The following FNIP2 variants were observed in gnomAD, a reference collection of about 807,000 sequenced individuals.
The protein encoded by FNIP2 is folliculin interacting protein 2.
Under a neutral mutation model 108.7 loss-of-function variants are expected in FNIP2, and 32 were observed. The observed-to-expected ratio is 0.29, with a 90% CI of 0.22 to 0.40. The LOEUF (loss-of-function observed/expected upper bound fraction) is 0.40. Among genes scored for constraint, FNIP2 ranks in the 10% least tolerant of loss-of-function variants. The pLI is 1.00. For synonymous variants in FNIP2, 480 were observed against 496.7 expected (o/e 0.97, Z 0.45); for missense variants, 1,202 against 1,381.6 (o/e 0.87, Z 2.06).
chr4:158,788,431 G>A (rs761871654), intron 1 of FNIP2, among the ~76,000 whole-genome samples: 3 of 152,182 alleles, frequency 2.0e-5, no homozygotes, highest in Non-Finnish European at 4.4e-5. Context: ...GCAAAGGCCC[G>A]CTTAGCTCAT....
chr4:158,812,641 C>T (rs1777341551), intron 1 of FNIP2, among the ~76,000 whole-genome samples: 1 of 151,932 alleles, frequency 6.6e-6, no homozygotes, highest in South Asian at 2.1e-4. Flanking sequence ...CAACATTAAG[C>T]AGAAAGTACA....
Position 158,868,881 on chromosome 4 carries a change from T to A in FNIP2, c.2245T>A (p.Leu749Met). The A allele has an allele frequency of 6.2e-7, 1 of 1,613,958 alleles. No individual in the cohort carries two copies. Among genetic ancestry groups the A allele is most frequent in the Non-Finnish European group, 8.5e-7 (1 of 1,179,872 alleles). Residue 749 changes from leucine to methionine, a missense_variant, in exon 13 of 17, where the codon TTG becomes ATG. This residue lies in a region of FNIP2 where 878 missense variants were observed against 990.3 expected (regional missense o/e 0.89). Transcript: ENST00000264433. The surrounding 1 kb of genome is among the most constrained non-coding windows in gnomAD (Gnocchi z 4.6). Reference protein sequence around the residue: ...EERVKACGPSLEASEAADVAQ... With the variant: ...EERVKACGPSMEASEAADVAQ... ...ACGGGTGAAGGCCTGTGGCCCCTCC[T>A]TGGAGGCCAGTGAGGCTGCTGATGT...
At chr4:158,902,242 G>A (rs1729372877) in intron 16 of FNIP2, among the ~76,000 whole-genome samples, 1 of 152,094 alleles carries the variant, frequency 6.6e-6, no homozygotes, top group African/African-American at 2.4e-5. Flanking sequence ...TAACAGGCCT[G>A]TCTGCTGCAG....
At chr4:158,835,771 T>C in intron 7 of FNIP2, 1 of 218,964 alleles carries the variant, frequency 4.6e-6, no homozygotes, top group Non-Finnish European at 9.4e-6. Context: ...ATGTGCTTGC[T>C]TGACTGTTGA....
At chr4:158,886,712 A>G (rs1180148109) in intron 14 of FNIP2, among the ~76,000 whole-genome samples, 2 of 152,248 alleles carry the variant, frequency 1.3e-5, no homozygotes, top group Admixed American at 1.3e-4. Context: ...GTCAGCATCC[A>G]TAAGGTTTGT....
At chr4:158,806,024 C>T in intron 1 of FNIP2, 15 of 694,454 alleles carry the variant, frequency 2.2e-5, no homozygotes, top group Non-Finnish European at 2.8e-5. Context: ...ATTTACGTAA[C>T]AAATGAATGT....
intron 1 of FNIP2, among the ~76,000 whole-genome samples, chr4:158,794,233 G>GGATT (rs1776509734): frequency 1.3e-5 from 2 of 152,046 alleles, no homozygotes; most frequent in African/African-American, 4.8e-5. Context: ...GCTCACTGCA[G>GGATT]CCTTGACCTC....
In FNIP2 at chr4:158,907,227, A is replaced by T. The variant is rs188684105; in HGVS notation, c.*2683A>T. 2 of 152,368 alleles carry T rather than the reference A, an allele frequency of 1.3e-5. No individual in the cohort carries two copies. The highest frequency in any genetic ancestry group is 3.9e-4 in the East Asian group (2 of 5,192). The allele number at this position is 152,368 out of a possible 1,614,324, so 9.4% of individuals were successfully genotyped here. On this transcript the variant is annotated 3_prime_UTR_variant, in exon 17 of 17. Coordinates refer to ENST00000264433, the MANE Select transcript of FNIP2 (RefSeq NM_020840.3). The stretch of plus-strand genomic sequence containing the variant: ...ACATGACAATGAAAATTTAAAATGT[A>T]GCTTCCATACTTGTGCATAATTCCA...
intron 3 of FNIP2, among the ~76,000 whole-genome samples, chr4:158,831,449 T>A (rs1279078986): frequency 6.6e-6 from 1 of 152,254 alleles, no homozygotes; most frequent in East Asian, 1.9e-4. Context: ...TATTCCACAT[T>A]GTTAATTATT....
At chr4:158,835,843 A>T (rs546741110) in intron 7 of FNIP2, 1 of 159,942 alleles carries the variant, frequency 6.3e-6, no homozygotes, top group South Asian at 1.8e-4. Context: ...CAGTGGGAGG[A>T]CCAGCCAGCT....
chr4:158,867,349 C>A (rs1357977693), intron 12 of FNIP2, among the ~76,000 whole-genome samples: 1 of 152,050 alleles, frequency 6.6e-6, no homozygotes, highest in African/African-American at 2.4e-5. Flanking sequence ...CACACCAGCA[C>A]GCTCGCCTAA....
chr4:158,860,803 C>T (rs767834411), intron 10 of FNIP2, among the ~76,000 whole-genome samples: 88 of 151,858 alleles, frequency 5.8e-4, no homozygotes, highest in Admixed American at 2.5e-3. Context: ...TTTACAGGCG[C>T]GCGCCACCAT....
chr4:158,898,605 G>C (rs1782907247), intron 16 of FNIP2, among the ~76,000 whole-genome samples: 1 of 152,174 alleles, frequency 6.6e-6, no homozygotes, highest in Non-Finnish European at 1.5e-5. Context: ...TAGCAATTGT[G>C]AATAGGAGTT....
chr4:158,892,327 G>T (rs1782331741), intron 15 of FNIP2, among the ~76,000 whole-genome samples: 1 of 151,758 alleles, frequency 6.6e-6, no homozygotes, highest in Non-Finnish European at 1.5e-5. Context: ...GTAGAGATGG[G>T]TTTTGCCATG....
intron 7 of FNIP2, among the ~76,000 whole-genome samples, chr4:158,841,951 A>G (rs779700490): frequency 1.3e-5 from 2 of 152,250 alleles, no homozygotes; most frequent in Non-Finnish European, 1.5e-5. Flanking sequence ...TTCACTGTCT[A>G]TGTAAGTAAT....
intron 7 of FNIP2, chr4:158,835,687 A>G: frequency 5.7e-6 from 2 of 353,914 alleles, no homozygotes; most frequent in Non-Finnish European, 1.1e-5. Flanking sequence ...CTAACACTCA[A>G]ATTTATATGA....
chr4:158,823,695 C>T (rs770767343), intron 1 of FNIP2, among the ~76,000 whole-genome samples: 8 of 152,206 alleles, frequency 5.3e-5, no homozygotes, highest in Admixed American at 1.3e-4. Flanking sequence ...CTTTCCTCCA[C>T]GCAGACTTTT....
Position 158,832,004 on chromosome 4 carries a change from C to T in FNIP2, c.482+43C>T, listed in dbSNP as rs528678141. The T allele has an allele frequency of 3.2e-4, 509 of 1,595,120 alleles. 8 individuals are homozygous for T. The South Asian group carries it at 5.1e-3, about 16-fold the overall frequency. ...TTTCTACTAGTTTTGAGAAGTGGAA[C>T]GGTGGTATTGACTCCTTAACTCATA... On this transcript the variant is annotated intron_variant, in intron 4 of 16. Coordinates refer to ENST00000264433, the MANE Select transcript of FNIP2 (RefSeq NM_020840.3).
chr4:158,885,690 A>G (rs1781990997), intron 14 of FNIP2, among the ~76,000 whole-genome samples: 1 of 152,188 alleles, frequency 6.6e-6, no homozygotes, highest in South Asian at 2.1e-4. Context: ...TGTGCTTTAA[A>G]TGGCATTTAA....
Sources: gnomAD v4.1 joint callset for allele counts (sites outside exome capture counted in the v4.1 genomes callset) on GRCh38, gnomAD v4.1.1 for gene constraint, gnomAD v4.1.1 regional missense constraint, Gnocchi (gnomAD v3.1) non-coding constraint, MANE v1.5 for transcripts, NCBI Gene and HGNC (gene_info 2026-07-23, HGNC 2026-07-21) for gene names.